PDE10A: variants seen among roughly 807,000 people sequenced by gnomAD.
The protein encoded by PDE10A is phosphodiesterase 10A, also known as cAMP and cAMP-inhibited cGMP 3',5'-cyclic phosphodiesterase 10A.
PDE10A carries 39 observed loss-of-function variants against 97.7 expected under a neutral mutation model. The observed-to-expected ratio is 0.40, with a 90% CI of 0.31 to 0.52. The LOEUF (loss-of-function observed/expected upper bound fraction) is 0.52, where lower values mean the gene tolerates loss of function less well. PDE10A is among the 20% of genes least tolerant of loss of function. The pLI is 0.56. For synonymous variants in PDE10A, 371 were observed against 376.8 expected, an observed-to-expected ratio of 0.98 and a Z score of 0.18; for missense variants, 731 against 1,047.8, an observed-to-expected ratio of 0.70 and a Z score of 4.17.
intron 1 of PDE10A, among the ~76,000 whole-genome samples, chr6:165,646,292 G>A (rs1302057549): frequency 6.6e-6 from 1 of 152,190 alleles, no homozygotes; most frequent in Non-Finnish European, 1.5e-5. Flanking sequence ...TGAAAACCTA[G>A]GTGGAGCCTA....
At chr6:165,380,107 T>TA (rs1784841281) in intron 17 of PDE10A, among the ~76,000 whole-genome samples, 1 of 152,188 alleles carries the variant, frequency 6.6e-6, no homozygotes, top group African/African-American at 2.4e-5. Context: ...AACTTTATAA[T>TA]AATTTATTCC....
intron 1 of PDE10A, among the ~76,000 whole-genome samples, chr6:165,586,153 G>A (rs569730413): frequency 8.5e-5 from 13 of 152,262 alleles, no homozygotes; most frequent in East Asian, 7.7e-4. Flanking sequence ...AACAAAGGCC[G>A]AACAGAGCTC....
intron 1 of PDE10A, among the ~76,000 whole-genome samples, chr6:165,877,290 A>G (rs527629080): frequency 6.6e-6 from 1 of 152,266 alleles, no homozygotes; most frequent in South Asian, 2.1e-4. Flanking sequence ...TTCGGACACC[A>G]TAGCCCTCTT....
intron 1 of PDE10A, among the ~76,000 whole-genome samples, chr6:165,642,357 T>C (rs1207295008): frequency 6.6e-6 from 1 of 152,234 alleles, no homozygotes; most frequent in African/African-American, 2.4e-5. Flanking sequence ...CCTGAGGTCA[T>C]GGACGTCCAT....
At chr6:165,984,045 G>C (rs1165449066) in intron 1 of PDE10A, among the ~76,000 whole-genome samples, 1 of 152,242 alleles carries the variant, frequency 6.6e-6, no homozygotes, top group Non-Finnish European at 1.5e-5. Flanking sequence ...CAACTCCATG[G>C]TAGTGGAGTG....
At chr6:165,593,686 TA>T (rs1397776921) in intron 1 of PDE10A, among the ~76,000 whole-genome samples, 1 of 152,226 alleles carries the variant, frequency 6.6e-6, no homozygotes, top group African/African-American at 2.4e-5. Context: ...TGTTTTATAA[TA>T]AAAACATTTT....
intron 1 of PDE10A, among the ~76,000 whole-genome samples, chr6:165,833,751 C>T (rs890729089): frequency 6.6e-6 from 1 of 152,196 alleles, no homozygotes; most frequent in African/African-American, 2.4e-5. Flanking sequence ...GCAGGAAAGA[C>T]CAGCCCTGGG....
upstream of PDE10A, chr6:165,987,968 T>G (rs528510344): frequency 5.2e-6 from 2 of 383,884 alleles, no homozygotes; most frequent in South Asian, 3.9e-5. Context: ...AGTGCTTGTG[T>G]GTGCGTGCGT....
intron 17 of PDE10A, among the ~76,000 whole-genome samples, chr6:165,382,733 ATGAT>A (rs1167420713): frequency 9.3e-6 from 1 of 107,386 alleles, no homozygotes; most frequent in Non-Finnish European, 1.8e-5. Flanking sequence ...TATAATAGTG[ATGAT>A]TGATGATGAT....
chr6:165,415,469 T>A (rs1405043304), intron 12 of PDE10A, among the ~76,000 whole-genome samples: 1 of 152,242 alleles, frequency 6.6e-6, no homozygotes, highest in South Asian at 2.1e-4. Flanking sequence ...TTTCCATTTC[T>A]AGCGATTTAT....
chr6:165,841,617 T>C (rs1412090005), intron 1 of PDE10A, among the ~76,000 whole-genome samples: 1 of 152,254 alleles, frequency 6.6e-6, no homozygotes, highest in Non-Finnish European at 1.5e-5. Flanking sequence ...AAAACAACCC[T>C]AACCTTAAGT....
chr6:165,873,582 T>C (rs1052415561), intron 1 of PDE10A, among the ~76,000 whole-genome samples: 4 of 152,244 alleles, frequency 2.6e-5, no homozygotes, highest in Non-Finnish European at 4.4e-5. Flanking sequence ...GTATTACAGA[T>C]AGCCTTTAAA....
intron 1 of PDE10A, among the ~76,000 whole-genome samples, chr6:165,653,719 A>G (rs1789798283): frequency 6.6e-6 from 1 of 152,214 alleles, no homozygotes; most frequent in African/African-American, 2.4e-5. Flanking sequence ...TCTGATGCAG[A>G]TAGAAACCAA....
chr6:165,495,594 CATTAA>C (rs1780489536), intron 2 of PDE10A, among the ~76,000 whole-genome samples: 1 of 152,136 alleles, frequency 6.6e-6, no homozygotes, highest in Non-Finnish European at 1.5e-5. Context: ...ACTTTTACAT[CATTAA>C]ATTAATACAT....
chr6:165,541,403 A>G (rs1441394212), intron 2 of PDE10A, among the ~76,000 whole-genome samples: 1 of 152,230 alleles, frequency 6.6e-6, no homozygotes, highest in Admixed American at 6.5e-5. Context: ...ACTCTTCTGT[A>G]CATGTGTTCA....
rs111811515 is a variant in PDE10A, at chr6:165,913,184, A to C, written c.-615+74345T>G. Reference sequence around the variant, plus strand: ...GATCCCATCCCCAAGGCATTTCATTATGTATATGCAAATATTCTAAAATCT... The same window carrying C: ...GATCCCATCCCCAAGGCATTTCATTCTGTATATGCAAATATTCTAAAATCT... On this transcript the variant is annotated intron_variant, in intron 1 of 19. Transcript: ENST00000366882. 2.3e-3 allele frequency among the ~76,000 whole-genome samples: 347 copies of C among 152,198 alleles called. 1 individual carries two copies. Among genetic ancestry groups the C allele is most frequent in the African/African-American group, 8.0e-3 (330 of 41,506 alleles).
intron 18 of PDE10A, among the ~76,000 whole-genome samples, chr6:165,359,300 T>A (rs1223899117): frequency 6.6e-6 from 1 of 152,178 alleles, no homozygotes; most frequent in East Asian, 1.9e-4. Context: ...GACAACATAT[T>A]CTTCCAGCTT....
At chr6:165,530,585 C>G (rs1013359292) in intron 2 of PDE10A, among the ~76,000 whole-genome samples, 8 of 144,920 alleles carry the variant, frequency 5.5e-5, no homozygotes, top group Non-Finnish European at 6.1e-5. Context: ...ATGCAACAGA[C>G]CCATGTAAAA....
At chr6:165,630,107 G>A (rs1788563824) in intron 1 of PDE10A, among the ~76,000 whole-genome samples, 1 of 152,140 alleles carries the variant, frequency 6.6e-6, no homozygotes, top group African/African-American at 2.4e-5. Context: ...CAGCACTTTG[G>A]GAGGCTGAGA....
Sources: gnomAD v4.1 joint callset for allele counts (sites outside exome capture counted in the v4.1 genomes callset) on GRCh38, gnomAD v4.1.1 for gene constraint, MANE v1.5 for transcripts, NCBI Gene and HGNC (gene_info 2026-07-23, HGNC 2026-07-21) for gene names.